The following UBL3 variants were observed in gnomAD, a reference collection of about 807,000 sequenced individuals.
UBL3 encodes the protein ubiquitin-like protein 3.
UBL3 carries 6 observed loss-of-function variants against 18.4 expected under a neutral mutation model. That is an observed-to-expected ratio of 0.33 (90% CI 0.18 to 0.64). UBL3 has a LOEUF of 0.64. Ranked by LOEUF, UBL3 falls within the 30% of genes least tolerant of loss-of-function variation. The pLI is 0.76. For synonymous variants in UBL3, 49 were observed against 46.6 expected (o/e 1.05, Z -0.21); for missense variants, 109 against 142.9 (o/e 0.76, Z 1.21).
intron 1 of UBL3, among the ~76,000 whole-genome samples, chr13:29,829,923 T>A (rs1878732052): frequency 6.6e-6 from 1 of 152,244 alleles, no homozygotes; most frequent in African/African-American, 2.4e-5. Flanking sequence ...CTTAAATTAA[T>A]CATCTAATAT....
intron 1 of UBL3, among the ~76,000 whole-genome samples, chr13:29,790,351 T>G (rs913274884): frequency 5.9e-5 from 9 of 152,342 alleles, no homozygotes; most frequent in African/African-American, 2.2e-4. Flanking sequence ...CTTTCATTCC[T>G]TTTAAACCTG....
intron 1 of UBL3, among the ~76,000 whole-genome samples, chr13:29,788,871 GCGCGCGCGCGCGCA>G: frequency 5.0e-5 from 1 of 19,850 alleles, no homozygotes; most frequent in Non-Finnish European, 2.2e-4. Context: ...GTGTGTGTGT[GCGCGCGCGCGCGCA>G]CGCGCACGTG....
intron 2 of UBL3, 74 bp from the exon 3 acceptor site, chr13:29,772,272 T>C (rs1261087478): frequency 1.6e-6 from 2 of 1,274,674 alleles, no homozygotes; most frequent in Admixed American, 2.1e-5. Context: ...GTTTTAAAAA[T>C]TCAGATCCAA....
intron 1 of UBL3, among the ~76,000 whole-genome samples, chr13:29,798,869 G>C (rs1350683420): frequency 6.6e-6 from 1 of 152,216 alleles, no homozygotes; most frequent in African/African-American, 2.4e-5. Context: ...AATGAGAACA[G>C]TATGTGTTGC....
At position 29,767,134 on chromosome 13, in the gene UBL3, T is replaced by G; in HGVS notation, c.*121A>C. ...AAAGATGACAGTGTTCATGTGGTAA[T>G]TCAGTTCCATGTGTTTACAGGCAGA... is the stretch of plus-strand genomic sequence containing the variant. On this transcript the variant is annotated 3_prime_UTR_variant, in exon 5 of 5. Transcript: ENST00000380680. 1 of 923,560 alleles carries G rather than the reference T, an allele frequency of 1.1e-6. No homozygotes were observed. Among genetic ancestry groups the G allele is most frequent in the South Asian group, 1.9e-5 (1 of 53,252 alleles). The allele number at this position is 923,560 out of a possible 1,614,324, so 57.2% of individuals were successfully genotyped here.
chr13:29,820,716 T>C (rs1878413904), intron 1 of UBL3, among the ~76,000 whole-genome samples: 1 of 152,240 alleles, frequency 6.6e-6, no homozygotes, highest in Admixed American at 6.5e-5. Flanking sequence ...TATTAGGTTC[T>C]GACCATGAGA....
intron 2 of UBL3, among the ~76,000 whole-genome samples, chr13:29,774,224 A>T (rs1160050787): frequency 6.6e-6 from 1 of 152,148 alleles, no homozygotes; most frequent in African/African-American, 2.4e-5. Context: ...AAAGACTTAT[A>T]CTTGAATTTA....
intron 1 of UBL3, among the ~76,000 whole-genome samples, chr13:29,783,029 C>A (rs1877219249): frequency 6.6e-6 from 1 of 152,210 alleles, no homozygotes; most frequent in South Asian, 2.1e-4. Flanking sequence ...AAAGTGCAGA[C>A]TAGAAAGGTC....
At chr13:29,793,346 T>G (rs892203201) in intron 1 of UBL3, among the ~76,000 whole-genome samples, 1 of 152,144 alleles carries the variant, frequency 6.6e-6, no homozygotes, top group Non-Finnish European at 1.5e-5. Context: ...GAGACACAAT[T>G]CAAGAACTAA....
At chr13:29,777,325 C>T in intron 1 of UBL3, 62 bp from the exon 2 acceptor site, 1 of 1,324,084 alleles carries the variant, frequency 7.6e-7, no homozygotes, top group Non-Finnish European at 1.0e-6. Flanking sequence ...AAAAAGAAGA[C>T]TCAAAGGCTT....
intron 1 of UBL3, among the ~76,000 whole-genome samples, chr13:29,795,313 C>T (rs1481960468): frequency 6.6e-6 from 1 of 151,954 alleles, no homozygotes; most frequent in Admixed American, 6.6e-5. Context: ...AAAAAATGAG[C>T]TATATATGGC....
intron 1 of UBL3, among the ~76,000 whole-genome samples, chr13:29,847,321 C>G (rs1415019896): frequency 6.6e-6 from 1 of 152,216 alleles, no homozygotes; most frequent in Non-Finnish European, 1.5e-5. Context: ...ATAGCATCAT[C>G]AGGGCATTAT....
chr13:29,784,575 A>C (rs573655194), intron 1 of UBL3, among the ~76,000 whole-genome samples: 1 of 152,202 alleles, frequency 6.6e-6, no homozygotes, highest in Admixed American at 6.5e-5. Context: ...GGAAAAAAAA[A>C]AAAACAACTC....
chr13:29,800,090 A>G (rs9506231), intron 1 of UBL3, among the ~76,000 whole-genome samples: 42,773 of 152,180 alleles, frequency 0.28, 6,093 homozygotes, highest in East Asian at 0.42. Flanking sequence ...TTAAAATCCA[A>G]TTGCTGAACA....
intron 1 of UBL3, among the ~76,000 whole-genome samples, chr13:29,844,718 G>GT (rs1555235364): frequency 6.6e-6 from 1 of 152,032 alleles, no homozygotes; most frequent in Non-Finnish European, 1.5e-5. Context: ...AGATGACTTA[G>GT]AAAATCAAAG....
intron 1 of UBL3, among the ~76,000 whole-genome samples, chr13:29,788,888 CGCACGTGTGT>C (rs1877407871): frequency 3.8e-5 from 1 of 26,430 alleles, no homozygotes; most frequent in African/African-American, 8.6e-5. Flanking sequence ...CGCGCGCACG[CGCACGTGTGT>C]GCGTGTGTGT....
intron 1 of UBL3, among the ~76,000 whole-genome samples, chr13:29,847,519 C>T (rs1018022652): frequency 2.0e-5 from 3 of 152,174 alleles, no homozygotes; most frequent in African/African-American, 7.2e-5. Context: ...GCCTCCAAAC[C>T]CTCTCTCTGA....
chr13:29,775,496 T>G (rs1488523162), intron 2 of UBL3, among the ~76,000 whole-genome samples: 1 of 152,180 alleles, frequency 6.6e-6, no homozygotes, highest in African/African-American at 2.4e-5. Context: ...AAATTGCTAC[T>G]GCTAATAAAA....
intron 1 of UBL3, among the ~76,000 whole-genome samples, chr13:29,797,481 G>A (rs115057109): frequency 0.014 from 2,134 of 152,256 alleles, 44 homozygotes; most frequent in African/African-American, 0.049. Flanking sequence ...CCAAGATAGT[G>A]CTGGAGAAAG....
Sources: gnomAD v4.1 joint callset for allele counts (sites outside exome capture counted in the v4.1 genomes callset) on GRCh38, gnomAD v4.1.1 for gene constraint, MANE v1.5 for transcripts, NCBI Gene and HGNC (gene_info 2026-07-23, HGNC 2026-07-21) for gene names.